The following ESPNL variants were observed in gnomAD, a reference collection of about 807,000 sequenced individuals.
The protein encoded by ESPNL is espin-like protein.
Under a neutral mutation model 46.8 loss-of-function variants are expected in ESPNL, and 49 were observed. That is an observed-to-expected ratio of 1.05 (90% CI 0.83 to 1.33). The LOEUF (loss-of-function observed/expected upper bound fraction) is 1.33. Ranked by LOEUF, ESPNL falls within the 40% of genes most tolerant of loss-of-function variation. The pLI is 0.00. For synonymous variants in ESPNL, 664 were observed against 662.1 expected (o/e 1.00, Z -0.04); for missense variants, 1,540 against 1,436.6 (o/e 1.07, Z -1.16).
rs933474949 is a variant in ESPNL, at chr2:238,114,529, C to G, written c.856-2374C>G. Reference sequence around the variant, plus strand: ...GACTGGCTTCAGCGACCTGCCCCAGCCTCCCCAGCCCCGGTGTCCTTGCAC... The same window carrying G: ...GACTGGCTTCAGCGACCTGCCCCAGGCTCCCCAGCCCCGGTGTCCTTGCAC... On this transcript the variant is annotated intron_variant, in intron 4 of 8. Transcript: ENST00000343063. This position sits in a 1 kb window ranked among gnomAD's most constrained non-coding sequence, Gnocchi z 5.0. Among the ~76,000 whole-genome samples, 1 of 152,128 alleles carries G rather than the reference C, an allele frequency of 6.6e-6. No individual in the cohort carries two copies. Among genetic ancestry groups the G allele is most frequent in the Non-Finnish European group, 1.5e-5 (1 of 68,024 alleles).
intron 5 of ESPNL, among the ~76,000 whole-genome samples, chr2:238,118,822 A>G (rs1691897815): frequency 9.1e-5 from 7 of 77,258 alleles, no homozygotes; most frequent in Non-Finnish European, 1.7e-4. Context: ...ATGGAGGAGG[A>G]ATGGATGGAG....
Position 238,131,497 on chromosome 2 carries a change from G to A in ESPNL, c.2783G>A (p.Gly928Asp). ...GAGGACATCAAAGCCCGCTTCTTTGGCTCCAGCCAGCGTCCCGCCTGGGAT... is the reference window on the plus strand; with the variant it reads ...GAGGACATCAAAGCCCGCTTCTTTGACTCCAGCCAGCGTCCCGCCTGGGAT... ...GFEDIKARFF[G>D]SSQRPAWDTE... is the part of the protein sequence containing the mutation. The change falls in exon 9 of 9, where the codon GGC (glycine) becomes GAC (aspartate). Residue 928 changes from glycine to aspartate, a missense_variant. Physicochemically the swap from Gly to Asp is moderately conservative, Grantham distance 94. Transcript: ENST00000343063. The A allele has an allele frequency of 6.2e-7, 1 of 1,611,594 alleles. No individual in the cohort carries two copies. Among genetic ancestry groups the A allele is most frequent in the African/African-American group, 1.3e-5 (1 of 75,030 alleles).
chr2:238,125,184 C>G, intron 5 of ESPNL, 86 bp from the exon 6 acceptor site: 1 of 588,448 alleles, frequency 1.7e-6, no homozygotes, highest in Non-Finnish European at 2.9e-6. Flanking sequence ...CCCCAAGGCT[C>G]GTCCACTGGG....
chr2:238,102,154 TG>T (rs1339326760), intron 2 of ESPNL, 23 bp downstream of exon 2: 24 of 1,510,156 alleles, frequency 1.6e-5, no homozygotes, highest in South Asian at 2.5e-5. Flanking sequence ...AAGTCCCGCC[TG>T]GGGGGGCAGC....
intron 6 of ESPNL, among the ~76,000 whole-genome samples, chr2:238,126,921 C>CTGTGCCTGTGATTGTGTCTG (rs1553574023): frequency 2.7e-5 from 4 of 146,640 alleles, no homozygotes; most frequent in African/African-American, 1.0e-4. Flanking sequence ...ATGATCGTGT[C>CTGTGCCTGTGATTGTGTCTG]TGTGTGTCTG....
intron 3 of ESPNL, among the ~76,000 whole-genome samples, chr2:238,105,168 G>A (rs1017995157): frequency 6.6e-5 from 10 of 152,066 alleles, no homozygotes; most frequent in Admixed American, 2.0e-4. Flanking sequence ...CTTTGTCTGC[G>A]CCCACACCAG....
At chr2:238,106,652 T>C (rs899297528) in intron 3 of ESPNL, among the ~76,000 whole-genome samples, 1 of 152,264 alleles carries the variant, frequency 6.6e-6, no homozygotes, top group East Asian at 1.9e-4. Flanking sequence ...CCTCCCAAAC[T>C]ATGCCTGGCT....
chr2:238,124,705 G>A (rs1372091431), intron 5 of ESPNL, among the ~76,000 whole-genome samples: 2 of 151,028 alleles, frequency 1.3e-5, no homozygotes, highest in African/African-American at 2.4e-5. Context: ...GTGCATGTGT[G>A]TGCAGGAGAG....
chr2:238,107,846 T>C lies in ESPNL; in HGVS notation c.728T>C (p.Leu243Pro). 2.5e-6 allele frequency: 4 copies of C among 1,609,264 alleles called. No individual in the cohort carries two copies. The highest frequency in any genetic ancestry group is 3.4e-6 in the Non-Finnish European group (4 of 1,178,232). Residue 243 changes from leucine (L) to proline (P), a missense_variant, in exon 4 of 9, where the codon CTG becomes CCG. By Grantham distance (98) the Leu-to-Pro change is moderately conservative. Transcript: ENST00000343063. ...TARDNEGATA[L>P]HFAARGGHTP... ...CGGGACAATGAGGGGGCCACGGCCC[T>C]GCACTTTGCAGCCCGAGGCGGCCAC... is the stretch of plus-strand genomic sequence containing the variant.
intron 5 of ESPNL, among the ~76,000 whole-genome samples, chr2:238,120,614 C>CG (rs1408505644): frequency 3.9e-5 from 6 of 152,266 alleles, no homozygotes; most frequent in Non-Finnish European, 7.3e-5. Flanking sequence ...AACCCAACCC[C>CG]GGGGCCTTCC....
At chr2:238,129,773 C>T (rs532580208) in intron 8 of ESPNL, among the ~76,000 whole-genome samples, 1 of 152,376 alleles carries the variant, frequency 6.6e-6, no homozygotes, top group East Asian at 1.9e-4. Context: ...AAGTCCTGCC[C>T]CTCCGTCGCA....
chr2:238,128,595 G>T lies in ESPNL; in HGVS notation c.1216-112G>T, dbSNP rs1034096041. 5.7e-5 allele frequency: 55 copies of T among 966,612 alleles called. 1 individual carries two copies. The African/African-American group carries it at 7.5e-4, about 13-fold the overall frequency. The allele number at this position is 966,612 out of a possible 1,614,324, so 59.9% of individuals were successfully genotyped here. On this transcript the variant is annotated intron_variant, in intron 7 of 8. Coordinates refer to ENST00000343063, the MANE Select transcript of ESPNL (RefSeq NM_194312.4). ...CCCCCACTGTCCCTCCTCTCAGGGC[G>T]CCCTGTTAGCGTGCCCTGGGCGGAG...
chr2:238,132,002 C>A lies in ESPNL; in HGVS notation c.*270C>A. 2.7e-6 allele frequency: 1 copy of A among 369,598 alleles called. No homozygotes were observed. Among genetic ancestry groups the A allele is most frequent in the Non-Finnish European group, 4.9e-6 (1 of 205,910 alleles). 22.9% of individuals were successfully genotyped at this position (369,598 alleles called of 1,614,324 possible). ...CACCCCAGTCCAGGGCACCTCTGCC[C>A]AGCCGGCCCCCGAGACCTGGGATGC... On this transcript the variant is annotated 3_prime_UTR_variant, in exon 9 of 9. Coordinates refer to ENST00000343063, the MANE Select transcript of ESPNL (RefSeq NM_194312.4).
In ESPNL at chr2:238,130,353, A is replaced by G. The variant is rs1408246085; in HGVS notation, c.1639A>G (p.Ser547Gly). Residue 547 changes from serine to glycine, a missense_variant, in exon 9 of 9, where the codon AGC becomes GGC. Physicochemically the swap from Ser to Gly is moderately conservative, Grantham distance 56 (BLOSUM62 0). Coordinates refer to ENST00000343063, the MANE Select transcript of ESPNL (RefSeq NM_194312.4). Reference sequence around the variant, plus strand: ...GGCCCTGCTGCCCGAGCCCCTGGTCAGCATCACGGTCAACAGCCACTTCCT... The same window carrying G: ...GGCCCTGCTGCCCGAGCCCCTGGTCGGCATCACGGTCAACAGCCACTTCCT... ...LQALLPEPLV[S>G]ITVNSHFLPR... 1 of 1,610,126 alleles carries G rather than the reference A, an allele frequency of 6.2e-7. No individual in the cohort carries two copies. The highest frequency in any genetic ancestry group is 1.1e-5 in the South Asian group (1 of 90,680).
At chr2:238,124,273 G>A (rs148999556) in intron 5 of ESPNL, among the ~76,000 whole-genome samples, 2,651 of 152,312 alleles carry the variant, frequency 0.017, 38 homozygotes, top group Non-Finnish European at 0.026. Flanking sequence ...TGGAGGGCAG[G>A]GACAAGAGCT....
Position 238,100,461 on chromosome 2 carries a change from T to A in ESPNL, c.42T>A (p.Asp14Glu). Residue 14 changes from aspartate (D) to glutamate (E), a missense_variant, in exon 1 of 9, where the codon GAT (aspartate) becomes GAA (glutamate). Coordinates refer to ENST00000343063, the MANE Select transcript of ESPNL (RefSeq NM_194312.4). ...QRALVAAKDG[D>E]VATLERLLEA... ...CACTCGTGGCCGCCAAGGATGGGGA[T>A]GTGGCGACGTTGGAGCGGCTGCTGG... 6.2e-7 allele frequency: 1 copy of A among 1,605,388 alleles called. No individual in the cohort carries two copies. The highest frequency in any genetic ancestry group is 8.5e-7 in the Non-Finnish European group (1 of 1,177,968).
rs1299370430 is a variant in ESPNL, at chr2:238,130,173, T to C, written c.1459T>C (p.Tyr487His). Residue 487 changes from tyrosine to histidine, a missense_variant, in exon 9 of 9, where the codon TAC (tyrosine) becomes CAC (histidine). Coordinates refer to ENST00000343063, the MANE Select transcript of ESPNL (RefSeq NM_194312.4). ...CCCCACGGAGCAGGCGGCCTGGAGG[T>C]ACTCACAGACTCATCAGGCCATCCT... ...SGPTEQAAWR[Y>H]SQTHQAILGP... 6.2e-7 allele frequency: 1 copy of C among 1,612,824 alleles called. No homozygotes were observed. The highest frequency in any genetic ancestry group is 8.5e-7 in the Non-Finnish European group (1 of 1,179,916).
intron 4 of ESPNL, among the ~76,000 whole-genome samples, chr2:238,111,179 G>A (rs1028773197): frequency 4.0e-5 from 6 of 151,856 alleles, no homozygotes; most frequent in Non-Finnish European, 5.9e-5. Flanking sequence ...CGCCCACCTC[G>A]GCCTCCCAAA....
chr2:238,123,816 G>C (rs914528998), intron 5 of ESPNL, among the ~76,000 whole-genome samples: 6 of 152,180 alleles, frequency 3.9e-5, no homozygotes, highest in African/African-American at 1.4e-4. Context: ...TTCCTGGAAG[G>C]AGTGAGGTGC....
Sources: allele counts gnomAD v4.1 joint callset (sites outside exome capture counted in the v4.1 genomes callset), GRCh38; gene constraint gnomAD v4.1.1; non-coding constraint Gnocchi (gnomAD v3.1); transcripts MANE v1.5; gene names NCBI Gene and HGNC (gene_info 2026-07-23, HGNC 2026-07-21).